The following ZBTB20 variants were observed in gnomAD, a reference collection of about 807,000 sequenced individuals.
ZBTB20 encodes the protein zinc finger and BTB domain containing 20.
In ZBTB20, 9 loss-of-function variants were observed where a neutral mutation model predicts 56.9. The ratio of observed to expected loss-of-function variants is 0.16; its 90% CI spans 0.10 to 0.28. ZBTB20 has a LOEUF of 0.28. Among genes scored for constraint, ZBTB20 ranks in the 10% least tolerant of loss-of-function variants. ZBTB20 has a pLI of 1.00. For synonymous variants in ZBTB20, 417 were observed against 420.7 expected, an observed-to-expected ratio of 0.99 and a Z score of 0.11; for missense variants, 655 against 1,003.0, an observed-to-expected ratio of 0.65 and a Z score of 4.69.
chr3:114,805,741 T>A (rs1384900203), intron 4 of ZBTB20, among the ~76,000 whole-genome samples: 1 of 151,908 alleles, frequency 6.6e-6, no homozygotes, highest in Non-Finnish European at 1.5e-5. Flanking sequence ...CCTACAAAGA[T>A]CCTTCATACC....
At chr3:115,142,763 C>A (rs1257689181) in intron 1 of ZBTB20, among the ~76,000 whole-genome samples, 1 of 152,080 alleles carries the variant, frequency 6.6e-6, no homozygotes, top group East Asian at 1.9e-4. Flanking sequence ...GCTGGCAAGT[C>A]CGTATACAAA....
chr3:114,479,876 A>G (rs1403498917), intron 7 of ZBTB20, among the ~76,000 whole-genome samples: 1 of 152,246 alleles, frequency 6.6e-6, no homozygotes, highest in African/African-American at 2.4e-5. Context: ...TCAGCTAAGT[A>G]AGAATTGAGT....
At chr3:115,127,069 C>G (rs1381310385) in intron 1 of ZBTB20, among the ~76,000 whole-genome samples, 1 of 152,094 alleles carries the variant, frequency 6.6e-6, no homozygotes, top group South Asian at 2.1e-4. Context: ...TTCTTTAGGT[C>G]TGAAGTGGAG....
chr3:114,399,261 G>GTA (rs1468952283), intron 7 of ZBTB20, among the ~76,000 whole-genome samples: 1 of 152,078 alleles, frequency 6.6e-6, no homozygotes, highest in African/African-American at 2.4e-5. Flanking sequence ...TTTTATTAGA[G>GTA]TATAACCTGT....
intron 6 of ZBTB20, among the ~76,000 whole-genome samples, chr3:114,683,020 C>G (rs1255428934): frequency 6.6e-6 from 1 of 152,086 alleles, no homozygotes; most frequent in Non-Finnish European, 1.5e-5. Flanking sequence ...GTTTGATAAA[C>G]TTTTCTAAAA....
chr3:115,097,637 C>A (rs1021332668), intron 1 of ZBTB20, among the ~76,000 whole-genome samples: 4 of 152,116 alleles, frequency 2.6e-5, no homozygotes, highest in Non-Finnish European at 5.9e-5. Flanking sequence ...AGGTAACTGT[C>A]TGCTCCAACA....
intron 1 of ZBTB20, among the ~76,000 whole-genome samples, chr3:115,100,983 C>T (rs1430910292): frequency 2.0e-5 from 3 of 152,270 alleles, no homozygotes; most frequent in South Asian, 2.1e-4. Context: ...TACAAAATTG[C>T]AGACTTACAA....
At chr3:114,404,478 G>A (rs1198515378) in intron 7 of ZBTB20, among the ~76,000 whole-genome samples, 3 of 152,078 alleles carry the variant, frequency 2.0e-5, no homozygotes, top group Non-Finnish European at 4.4e-5. Context: ...ACATCCTAAC[G>A]CCGAGGGGAA....
chr3:114,775,469 T>C (rs928801751), intron 5 of ZBTB20, among the ~76,000 whole-genome samples: 1 of 151,670 alleles, frequency 6.6e-6, no homozygotes, highest in African/African-American at 2.4e-5. Flanking sequence ...TGTTGCCTTA[T>C]TTAATTTTTT....
intron 6 of ZBTB20, among the ~76,000 whole-genome samples, chr3:114,619,023 C>T (rs961777870): frequency 4.6e-5 from 7 of 152,104 alleles, no homozygotes; most frequent in African/African-American, 9.7e-5. Context: ...TTTTGCCCTT[C>T]GGAGTGGTTT....
At chr3:114,607,588 C>A (rs1404793195) in intron 6 of ZBTB20, among the ~76,000 whole-genome samples, 1 of 152,058 alleles carries the variant, frequency 6.6e-6, no homozygotes, top group Non-Finnish European at 1.5e-5. Context: ...CAGGTGTGAG[C>A]CATCACGCCC....
chr3:114,659,576 C>A (rs2060604250), intron 6 of ZBTB20, among the ~76,000 whole-genome samples: 1 of 152,136 alleles, frequency 6.6e-6, no homozygotes, highest in Admixed American at 6.6e-5. Flanking sequence ...TGAACCACGG[C>A]AAATCTAAAC....
intron 2 of ZBTB20, among the ~76,000 whole-genome samples, chr3:114,984,088 A>C (rs1441410940): frequency 6.6e-6 from 1 of 151,954 alleles, no homozygotes; most frequent in Admixed American, 6.6e-5. Flanking sequence ...TAATTTGAAC[A>C]TGTCATCCTC....
chr3:115,147,045 C>T (rs1441439501), intron 1 of ZBTB20, among the ~76,000 whole-genome samples, 174 bp downstream of exon 1: 1 of 149,442 alleles, frequency 6.7e-6, no homozygotes, highest in Non-Finnish European at 1.5e-5. Flanking sequence ...CAGCTCAGGG[C>T]CCGCTGGCTC....
At chr3:114,564,610 GT>G (rs1174316852) in intron 6 of ZBTB20, among the ~76,000 whole-genome samples, 1 of 152,158 alleles carries the variant, frequency 6.6e-6, no homozygotes, top group African/African-American at 2.4e-5. Context: ...CCTTTACCCA[GT>G]TTTAGTCAAT....
intron 6 of ZBTB20, among the ~76,000 whole-genome samples, chr3:114,626,402 T>C (rs906642901): frequency 6.6e-6 from 1 of 152,232 alleles, no homozygotes; most frequent in African/African-American, 2.4e-5. Flanking sequence ...CAGCAGTACC[T>C]GTCACATGGT....
chr3:114,826,613 G>T (rs1355785461), intron 4 of ZBTB20, among the ~76,000 whole-genome samples: 1 of 151,634 alleles, frequency 6.6e-6, no homozygotes, highest in Non-Finnish European at 1.5e-5. Context: ...TGACATATGG[G>T]TCCCTCCACT....
At chr3:114,496,440 G>A (rs1314605771) in intron 7 of ZBTB20, among the ~76,000 whole-genome samples, 1 of 152,152 alleles carries the variant, frequency 6.6e-6, no homozygotes, top group African/African-American at 2.4e-5. Flanking sequence ...ACCAGCCTAC[G>A]TTCTGCACTC....
At chr3:114,609,264 A>C (rs1463352484) in intron 6 of ZBTB20, among the ~76,000 whole-genome samples, 1 of 152,204 alleles carries the variant, frequency 6.6e-6, no homozygotes, top group African/African-American at 2.4e-5. Context: ...ACAATTCCAC[A>C]ATCTTGAGGA....
Sources: gnomAD v4.1 joint callset for allele counts (sites outside exome capture counted in the v4.1 genomes callset) on GRCh38, gnomAD v4.1.1 for gene constraint, MANE v1.5 for transcripts, NCBI Gene and HGNC (gene_info 2026-07-23, HGNC 2026-07-21) for gene names.